Variants in STPG2 observed in about 807,000 individuals in gnomAD.
The protein encoded by STPG2 is sperm tail PG-rich repeat containing 2.
A neutral mutation model predicts 54.2 loss-of-function variants in STPG2; 56 were observed. That is an observed-to-expected ratio of 1.03 (90% confidence interval 0.83 to 1.29). The LOEUF (loss-of-function observed/expected upper bound fraction) is 1.29, where lower values mean the gene tolerates loss of function less well. Ranked by LOEUF, STPG2 falls within the 50% of genes most tolerant of loss-of-function variation. The pLI is 0.00. For missense variants in STPG2, 596 were observed against 544.9 expected (o/e 1.09, Z -0.93); for synonymous variants, 200 against 181.8 (o/e 1.10, Z -0.81).
At chr4:97,931,118 G>A (rs1169132607) in intron 8 of STPG2, among the ~76,000 whole-genome samples, 2 of 152,178 alleles carry the variant, frequency 1.3e-5, no homozygotes, top group East Asian at 1.9e-4. Context: ...ATAGGATCAT[G>A]TCATCTGCAA....
At chr4:98,025,437 T>A (rs1284579555) in intron 5 of STPG2, 1 of 446,630 alleles carries the variant, frequency 2.2e-6, no homozygotes. Flanking sequence ...AGATACCAAG[T>A]GAAATTTAGA....
intron 9 of STPG2, among the ~76,000 whole-genome samples, chr4:97,817,702 A>G (rs750034115): frequency 2.4e-4 from 37 of 152,056 alleles, no homozygotes; most frequent in Non-Finnish European, 4.1e-4. Flanking sequence ...AAATTAAATT[A>G]GATAGCTTAT....
At chr4:97,473,815 T>C (rs1008079054) in intron 4 of STPG2, among the ~76,000 whole-genome samples, 6 of 152,156 alleles carry the variant, frequency 3.9e-5, no homozygotes, top group African/African-American at 1.2e-4. Flanking sequence ...TTTTGTACTC[T>C]GTCCCTTTAT....
chr4:97,825,828 TCA>T (rs1728242480), intron 9 of STPG2, among the ~76,000 whole-genome samples: 1 of 152,230 alleles, frequency 6.6e-6, no homozygotes, highest in Non-Finnish European at 1.5e-5. Flanking sequence ...GCCTTTTACT[TCA>T]TGTAACATAT....
At chr4:97,862,198 C>A (rs908203847) in intron 8 of STPG2, among the ~76,000 whole-genome samples, 4 of 151,064 alleles carry the variant, frequency 2.6e-5, no homozygotes, top group Non-Finnish European at 5.9e-5. Context: ...TATTTTGAGC[C>A]TATGTGTGTG....
At chr4:97,443,572 A>C (rs924795628) in intron 4 of STPG2, among the ~76,000 whole-genome samples, 1 of 152,136 alleles carries the variant, frequency 6.6e-6, no homozygotes, top group East Asian at 1.9e-4. Flanking sequence ...CTATTATTAG[A>C]ATAAGAGAAG....
At chr4:97,617,621 TCTCA>T (rs1312735957) in intron 10 of STPG2, among the ~76,000 whole-genome samples, 13 of 152,144 alleles carry the variant, frequency 8.5e-5, no homozygotes, top group Admixed American at 4.6e-4. Flanking sequence ...CTCTCTTTTT[TCTCA>T]CTAAGTGAAG....
intron 9 of STPG2, among the ~76,000 whole-genome samples, chr4:97,807,207 C>T (rs1449812602): frequency 6.6e-6 from 1 of 151,122 alleles, no homozygotes; most frequent in Non-Finnish European, 1.5e-5. Flanking sequence ...ACCAATTTTG[C>T]TTTCATTCTC....
intron 9 of STPG2, among the ~76,000 whole-genome samples, chr4:97,744,101 G>A (rs749622082): frequency 2.8e-4 from 42 of 151,474 alleles, no homozygotes; most frequent in Non-Finnish European, 1.6e-4. Flanking sequence ...GCTAGGGAAT[G>A]GCATGATCAG....
intron 5 of STPG2, among the ~76,000 whole-genome samples, chr4:98,072,362 A>G (rs1738029939): frequency 6.6e-6 from 1 of 152,098 alleles, no homozygotes; most frequent in Non-Finnish European, 1.5e-5. Context: ...AAACGATGAG[A>G]ACAAATGGAC....
At chr4:97,791,479 G>A (rs1463019189) in intron 9 of STPG2, among the ~76,000 whole-genome samples, 1 of 151,934 alleles carries the variant, frequency 6.6e-6, no homozygotes, top group Admixed American at 6.6e-5. Context: ...AAATTTTAAA[G>A]TTGTCAAAGT....
intron 4 of STPG2, among the ~76,000 whole-genome samples, chr4:97,450,201 A>G (rs957507195): frequency 6.6e-6 from 1 of 152,190 alleles, no homozygotes; most frequent in Non-Finnish European, 1.5e-5. Flanking sequence ...ATTACCCCCA[A>G]GCTTCAGTCA....
intron 10 of STPG2, among the ~76,000 whole-genome samples, chr4:97,623,596 A>G (rs969332769): frequency 2.0e-5 from 3 of 152,070 alleles, no homozygotes; most frequent in Non-Finnish European, 4.4e-5. Flanking sequence ...AAAAATAACC[A>G]GCGCTGGAGA....
At chr4:97,915,603 AG>A (rs1390063905) in intron 8 of STPG2, among the ~76,000 whole-genome samples, 1 of 152,104 alleles carries the variant, frequency 6.6e-6, no homozygotes, top group East Asian at 1.9e-4. Context: ...TGACAAAGGT[AG>A]GTCTTAGAGG....
intron 8 of STPG2, among the ~76,000 whole-genome samples, chr4:97,856,369 C>A (rs1233333801): frequency 6.6e-6 from 1 of 152,148 alleles, no homozygotes; most frequent in African/African-American, 2.4e-5. Flanking sequence ...TTAAAAAGAT[C>A]CTTCACTTCC....
intron 10 of STPG2, among the ~76,000 whole-genome samples, chr4:97,617,544 T>A (rs1022212369): frequency 6.6e-6 from 1 of 152,116 alleles, no homozygotes; most frequent in African/African-American, 2.4e-5. Flanking sequence ...GTGGCGTTAG[T>A]AGGTTTGACA....
chr4:97,666,068 C>G (rs1211768345), intron 10 of STPG2, among the ~76,000 whole-genome samples: 1 of 152,120 alleles, frequency 6.6e-6, no homozygotes, highest in East Asian at 1.9e-4. Flanking sequence ...GCAGTTGTAC[C>G]CAGAGGGCAG....
At position 97,849,509 on chromosome 4, in the gene STPG2, G is replaced by A. The variant is rs552602035; in HGVS notation, c.1045-8577C>T. 5.3e-3 allele frequency among the ~76,000 whole-genome samples: 798 copies of A among 151,754 alleles called. 10 individuals carry two copies. Among genetic ancestry groups the A allele is most frequent in the African/African-American group, 0.017 (710 of 41,362 alleles). On this transcript the variant is annotated intron_variant, in intron 8 of 10. Transcript: ENST00000295268. ...ACCTACAACATGGGAGAAAATTTTCGCAACCTACTCATCTGACAAAGGGCT... is the reference window on the plus strand; with the variant it reads ...ACCTACAACATGGGAGAAAATTTTCACAACCTACTCATCTGACAAAGGGCT...
chr4:97,938,076 C>A (rs1460562993), intron 8 of STPG2, among the ~76,000 whole-genome samples: 1 of 152,086 alleles, frequency 6.6e-6, no homozygotes, highest in South Asian at 2.1e-4. Flanking sequence ...GTCCCTAAGC[C>A]CCCGGCTGGA....
Sources: gnomAD v4.1 joint callset for allele counts (sites outside exome capture counted in the v4.1 genomes callset) on GRCh38, gnomAD v4.1.1 for gene constraint, MANE v1.5 for transcripts, NCBI Gene and HGNC (gene_info 2026-07-23, HGNC 2026-07-21) for gene names.